Variants in TNNI1 observed in about 807,000 individuals in gnomAD.
TNNI1 encodes troponin I1, slow skeletal type, also known as troponin I, slow skeletal muscle.
Under a neutral mutation model 26.7 loss-of-function variants are expected in TNNI1, and 14 were observed. The ratio of observed to expected loss-of-function variants is 0.52; its 90% CI spans 0.35 to 0.82. The LOEUF is 0.82. Ranked by LOEUF, TNNI1 falls within the 40% of genes least tolerant of loss-of-function variation. The probability of loss-of-function intolerance (pLI) is 0.01; values close to 1 mark genes in which losing one functional copy is unlikely to be tolerated. For missense variants in TNNI1, 164 were observed against 257.0 expected, an observed-to-expected ratio of 0.64 and a Z score of 2.47; for synonymous variants, 79 against 98.2, an observed-to-expected ratio of 0.80 and a Z score of 1.16.
intron 5 of TNNI1, among the ~76,000 whole-genome samples, chr1:201,413,553 T>C (rs1049965236): frequency 1.3e-5 from 2 of 152,220 alleles, no homozygotes; most frequent in African/African-American, 4.8e-5. Flanking sequence ...AAGACCAGCC[T>C]GACCAATGTG....
In TNNI1 at chr1:201,403,944, C is replaced by T. The variant is rs1282833793; in HGVS notation, c.*5309G>A. 6.6e-6 allele frequency: 1 copy of T among 152,158 alleles called. No individual in the cohort carries two copies. Among genetic ancestry groups the T allele is most frequent in the East Asian group, 1.9e-4 (1 of 5,198 alleles). 9.4% of individuals were successfully genotyped at this position (152,158 alleles called of 1,614,324 possible). ...GCATAAGGGCTTCAAAAGTATGTGC[C>T]ATATCCTAGTTCTTAAAATGAGTGG... On this transcript the variant is annotated 3_prime_UTR_variant, in exon 9 of 9. Transcript: ENST00000361379.
chr1:201,409,448 C>A (rs1662592654), intron 8 of TNNI1, among the ~76,000 whole-genome samples, 198 bp from the exon 9 acceptor site: 1 of 152,212 alleles, frequency 6.6e-6, no homozygotes, highest in Non-Finnish European at 1.5e-5. Flanking sequence ...TTTTGGGACC[C>A]CTCACACCGC....
chr1:201,411,662 C>A lies in TNNI1; in HGVS notation c.280-129G>T. 1.0e-6 allele frequency: 1 copy of A among 967,250 alleles called. No homozygotes were observed. 59.9% of individuals were successfully genotyped at this position (967,250 alleles called of 1,614,324 possible). A position where few individuals can be genotyped will look rare whatever the true frequency, so the allele number is the denominator to read the frequency against. ...AAATTGTCCACCCTTGAAGCCAGAC[C>A]TATCAGCAGTCACCAACCTTTTTGT... On this transcript the variant is annotated intron_variant, in intron 6 of 8. Transcript: ENST00000361379. This position sits in a 1 kb window ranked among gnomAD's most constrained non-coding sequence, Gnocchi z 4.6.
In TNNI1 at chr1:201,404,594, C is replaced by G. The variant is rs757568826; in HGVS notation, c.*4659G>C. The G allele has an allele frequency of 1.3e-5, 2 of 152,176 alleles. No individual in the cohort carries two copies. The highest frequency in any genetic ancestry group is 4.8e-5 in the African/African-American group (2 of 41,438). 9.4% of individuals were successfully genotyped at this position (152,176 alleles called of 1,614,324 possible). A position where few individuals can be genotyped will look rare whatever the true frequency, so the allele number is the denominator to read the frequency against. On this transcript the variant is annotated 3_prime_UTR_variant, in exon 9 of 9. Transcript: ENST00000361379. ...CATAAGTAAGGGCTAATTTAATACT[C>G]CAGTAATAAAACAAAGGCATGCATG...
intron 1 of TNNI1, among the ~76,000 whole-genome samples, chr1:201,419,252 C>T (rs114390019): frequency 0.014 from 2,156 of 152,344 alleles, 49 homozygotes; most frequent in African/African-American, 0.049. Flanking sequence ...ACCAGGTGAT[C>T]CTGGGGCCCA....
At chr1:201,421,554 T>G (rs1662856872) in intron 1 of TNNI1, 119 bp downstream of exon 1, 2 of 152,340 alleles carry the variant, frequency 1.3e-5, no homozygotes, top group African/African-American at 4.8e-5. Context: ...ACAAACCAAC[T>G]GCACAGGCAA....
At position 201,414,574 on chromosome 1, in the gene TNNI1, G is replaced by A. The variant is rs116486165; in HGVS notation, c.133C>T (p.Leu45=). 7 of 1,613,688 alleles carry A rather than the reference G, an allele frequency of 4.3e-6. No individual in the cohort carries two copies. The highest frequency in any genetic ancestry group is 4.2e-6 in the Non-Finnish European group (5 of 1,179,964). ...TGCAGCGTGGGGATGCGCTCTGCCA[G>A]GTAGCGCACCTTCTCAGCCTCGCGC... ...EEREAEKVRY[L]AERIPTLQTR... The change falls in exon 5 of 9, where the codon CTG becomes TTG. Residue 45 remains leucine, a synonymous_variant. Transcript: ENST00000361379.
chr1:201,410,917 G>A (rs1025999706), intron 7 of TNNI1, among the ~76,000 whole-genome samples: 1 of 152,180 alleles, frequency 6.6e-6, no homozygotes, highest in Non-Finnish European at 1.5e-5. Context: ...CACATATACT[G>A]TGAATTCAAC....
intron 5 of TNNI1, among the ~76,000 whole-genome samples, chr1:201,413,435 A>AAACAAACG (rs1367580208): frequency 6.6e-6 from 1 of 151,772 alleles, no homozygotes; most frequent in Non-Finnish European, 1.5e-5. Flanking sequence ...TCAAAAAAAC[A>AAACAAACG]AACAAACAAA....
intron 4 of TNNI1, among the ~76,000 whole-genome samples, chr1:201,415,009 C>T (rs1408456738): frequency 6.6e-6 from 1 of 152,244 alleles, no homozygotes; most frequent in Non-Finnish European, 1.5e-5. Flanking sequence ...CAGGCGGATG[C>T]CAGAATCCAT....
In TNNI1 at chr1:201,409,113, G is replaced by C. The variant is rs1279283078; in HGVS notation, c.*140C>G. 1 of 152,284 alleles carries C rather than the reference G, an allele frequency of 6.6e-6. No individual in the cohort carries two copies. The highest frequency in any genetic ancestry group is 6.5e-5 in the Admixed American group (1 of 15,286). The allele number at this position is 152,284 out of a possible 1,614,324, so 9.4% of individuals were successfully genotyped here. On this transcript the variant is annotated 3_prime_UTR_variant, in exon 9 of 9. Coordinates refer to ENST00000361379, the MANE Select transcript of TNNI1 (RefSeq NM_003281.4). ...GGGTATCTGTTTAATCCCAGTTCCA[G>C]AGGAGGGCATGCAGGCTGGAGGGAA...
At position 201,415,697 on chromosome 1, in the gene TNNI1, T is replaced by C. The variant is rs182840509; in HGVS notation, c.16-443A>G. On this transcript the variant is annotated intron_variant, in intron 3 of 8. Transcript: ENST00000361379. ...CTCCAGGTAGTAATACAGCAATACC[T>C]TGATGATCCGTCATGCTGCATAAAT... 2.2e-3 allele frequency among the ~76,000 whole-genome samples: 334 copies of C among 152,310 alleles called. 2 individuals carry two copies. Among genetic ancestry groups the C allele is most frequent in the Non-Finnish European group, 3.8e-3 (260 of 68,034 alleles).
In TNNI1 at chr1:201,411,598, G is replaced by T. The variant is rs1006259480; in HGVS notation, c.280-65C>A. 5 of 1,443,824 alleles carry T rather than the reference G, an allele frequency of 3.5e-6. No homozygotes were observed. In the African/African-American group the frequency reaches 7.3e-5, roughly 21 times the overall value. 89.4% of individuals were successfully genotyped at this position (1,443,824 alleles called of 1,614,324 possible). A position where few individuals can be genotyped will look rare whatever the true frequency, so the allele number is the denominator to read the frequency against. ...CTAGCCACAGGACACCCTTCCTGAG[G>T]ACCTCAGACTGCTAGGGTTCCAGCC... On this transcript the variant is annotated intron_variant, in intron 6 of 8. Coordinates refer to ENST00000361379, the MANE Select transcript of TNNI1 (RefSeq NM_003281.4). This position sits in a 1 kb window ranked among gnomAD's most constrained non-coding sequence, Gnocchi z 4.6.
intron 6 of TNNI1, among the ~76,000 whole-genome samples, chr1:201,412,529 C>G (rs1391368577): frequency 1.3e-5 from 2 of 152,174 alleles, no homozygotes; most frequent in African/African-American, 2.4e-5. Context: ...CCTCCCACAC[C>G]CCATGCTAAG....
intron 3 of TNNI1, among the ~76,000 whole-genome samples, chr1:201,416,084 G>T (rs1320730285): frequency 1.3e-5 from 2 of 152,154 alleles, no homozygotes; most frequent in South Asian, 4.1e-4. Flanking sequence ...ATTCCAGGGT[G>T]TCAAGTAGAA....
Position 201,411,477 on chromosome 1 carries a change from G to A in TNNI1, c.336C>T (p.Pro112=). The A allele has an allele frequency of 6.2e-7, 1 of 1,612,570 alleles. No homozygotes were observed. Among genetic ancestry groups the A allele is most frequent in the Non-Finnish European group, 8.5e-7 (1 of 1,179,418 alleles). The change falls in exon 7 of 9, where the codon CCC becomes CCT. Residue 112 remains proline (P), a synonymous_variant. Coordinates refer to ENST00000361379, the MANE Select transcript of TNNI1 (RefSeq NM_003281.4). The surrounding 1 kb of genome is among the most constrained non-coding windows in gnomAD (Gnocchi z 4.6). Reference sequence around the variant, plus strand: ...CAGCCGAGACACGGACTCGACGCAGGGGCGGGCGCTTGAACTTCCCACGGA... The same window carrying A: ...CAGCCGAGACACGGACTCGACGCAGAGGCGGGCGCTTGAACTTCCCACGGA... ...MDLRGKFKRP[P]LRRVRVSADA...
rs1298481757 is a variant in TNNI1, at chr1:201,408,522, G to A, written c.*731C>T. 6.6e-6 allele frequency: 1 copy of A among 152,532 alleles called. No homozygotes were observed. Among genetic ancestry groups the A allele is most frequent in the African/African-American group, 2.4e-5 (1 of 41,446 alleles). 9.4% of individuals were successfully genotyped at this position (152,532 alleles called of 1,614,324 possible). A position where few individuals can be genotyped will look rare whatever the true frequency, so the allele number is the denominator to read the frequency against. ...CATCAGGGAGAGTTAATCCAGGTTTGCAGAGGAAGGAGAGTATGAAAGCCG... is the reference window on the plus strand; with the variant it reads ...CATCAGGGAGAGTTAATCCAGGTTTACAGAGGAAGGAGAGTATGAAAGCCG... On this transcript the variant is annotated 3_prime_UTR_variant, in exon 9 of 9. Coordinates refer to ENST00000361379, the MANE Select transcript of TNNI1 (RefSeq NM_003281.4).
Position 201,410,829 on chromosome 1 carries a change from A to G in TNNI1, c.457-394T>C, listed in dbSNP as rs1238066813. Among the ~76,000 whole-genome samples, 6 of 152,188 alleles carry G rather than the reference A, an allele frequency of 3.9e-5. No individual in the cohort carries two copies. The East Asian group carries it at 7.7e-4, about 20-fold the overall frequency. ...ATTTCCTCAGTATATTGTCTGGCTT[A>G]TCTCTTCTCCTCTGAAGCTTCTTGG... On this transcript the variant is annotated intron_variant, in intron 7 of 8. Transcript: ENST00000361379.
At position 201,406,722 on chromosome 1, in the gene TNNI1, A is replaced by G. The variant is rs945802010; in HGVS notation, c.*2531T>C. On this transcript the variant is annotated 3_prime_UTR_variant, in exon 9 of 9. Coordinates refer to ENST00000361379, the MANE Select transcript of TNNI1 (RefSeq NM_003281.4). ...ATTCTTGGCTACAACAGCCCCTTCC[A>G]TAGATCCCTCTCCCACCCCCAAGCT... The G allele has an allele frequency of 6.6e-6, 1 of 152,368 alleles. No individual in the cohort carries two copies. Among genetic ancestry groups the G allele is most frequent in the African/African-American group, 2.4e-5 (1 of 41,424 alleles). 9.4% of individuals were successfully genotyped at this position (152,368 alleles called of 1,614,324 possible).
Sources: allele counts gnomAD v4.1 joint callset (sites outside exome capture counted in the v4.1 genomes callset), GRCh38; gene constraint gnomAD v4.1.1; non-coding constraint Gnocchi (gnomAD v3.1); transcripts MANE v1.5; gene names NCBI Gene and HGNC (gene_info 2026-07-23, HGNC 2026-07-21).